The following LTBP2 variants were observed in gnomAD, a reference collection of about 807,000 sequenced individuals.
LTBP2 encodes the protein latent-transforming growth factor beta-binding protein 2.
In LTBP2, 103 loss-of-function variants were observed where a neutral mutation model predicts 210.6. The observed-to-expected ratio is 0.49, with a 90% CI of 0.42 to 0.58. The LOEUF is 0.58. Among genes scored for constraint, LTBP2 ranks in the 20% least tolerant of loss-of-function variants. LTBP2 has a pLI of 0.00. For synonymous variants in LTBP2, 1,007 were observed against 1,015.0 expected (o/e 0.99, Z 0.15); for missense variants, 2,313 against 2,494.5 (o/e 0.93, Z 1.55).
chr14:74,510,246 C>T (rs757646891), intron 19 of LTBP2, 33 bp from the exon 20 acceptor site: 5 of 1,610,704 alleles, frequency 3.1e-6, no homozygotes, highest in African/African-American at 1.3e-5. Flanking sequence ...GGTGGGCTGG[C>T]CTCCTCCCCA....
rs138297564 is a variant in LTBP2 at position 74,553,050 on chromosome 14, G to A, written c.1034C>T (p.Thr345Met). ...HPSSPWGLNL[T>M]EKIKKIKIVF... Reference sequence around the variant, plus strand: ...GATCTTGATCTTCTTGATTTTCTCCGTGAGGTTCAGCCCTGCAGAGAGAGG... The same window carrying A: ...GATCTTGATCTTCTTGATTTTCTCCATGAGGTTCAGCCCTGCAGAGAGAGG... Residue 345 changes from threonine (T) to methionine (M), a missense_variant, in exon 5 of 36, where the codon ACG becomes ATG. Coordinates refer to ENST00000261978, the MANE Select transcript of LTBP2 (RefSeq NM_000428.3). 37 of 1,614,024 alleles carry A rather than the reference G, an allele frequency of 2.3e-5. No individual in the cohort carries two copies. Among genetic ancestry groups the A allele is most frequent in the Middle Eastern group, 1.6e-4 (1 of 6,084 alleles).
intron 3 of LTBP2, among the ~76,000 whole-genome samples, chr14:74,561,983 ATG>A: frequency 6.6e-6 from 1 of 152,178 alleles, no homozygotes; most frequent in African/African-American, 2.4e-5. Context: ...GCCGAGGCGG[ATG>A]GATCACCTGA....
At chr14:74,526,686 C>A (rs2087277798) in intron 13 of LTBP2, among the ~76,000 whole-genome samples, 1 of 152,102 alleles carries the variant, frequency 6.6e-6, no homozygotes. Context: ...GGCCCAGGGA[C>A]AGAACAAGGC....
rs1566611786 is a variant in LTBP2, at chr14:74,503,113, C to A, written c.4888+106G>T. 1.9e-6 allele frequency: 3 copies of A among 1,538,946 alleles called. No individual in the cohort carries two copies. The East Asian group carries it at 6.8e-5, about 35-fold the overall frequency. On this transcript the variant is annotated intron_variant, in intron 33 of 35. Transcript: ENST00000261978. ...CAAACAGCAGGGATGGAAGACAGGG[C>A]CTTTGCTCTGCTCCTTCTTTCTAGA...
chr14:74,553,194 C>G, intron 4 of LTBP2, 132 bp from the exon 5 acceptor site: 1 of 861,798 alleles, frequency 1.2e-6, no homozygotes, highest in Non-Finnish European at 1.9e-6. Context: ...ACCTACTGGA[C>G]GCAGGGTCCC....
intron 3 of LTBP2, among the ~76,000 whole-genome samples, chr14:74,560,876 G>C (rs184764162): frequency 5.3e-5 from 8 of 152,338 alleles, no homozygotes; most frequent in Non-Finnish European, 8.8e-5. Flanking sequence ...CATGTGCGTA[G>C]CTTATATGCA....
Position 74,528,499 on chromosome 14 carries a change from C to G in LTBP2, c.2352G>C (p.Gly784=). The change falls in exon 12 of 36, where the codon GGG becomes GGC. Residue 784 remains glycine, a synonymous_variant. Transcript: ENST00000261978. The part of the protein sequence containing the change: ...RVVTDTWLEA[G]TIPDKGDSQA... ...CTCAGATACCCTTGTCAGGGATGGT[C>G]CCGGCCTCAAGCCAGGTGTCCGTGA... 2 of 1,611,984 alleles carry G rather than the reference C, an allele frequency of 1.2e-6. No homozygotes were observed. The highest frequency in any genetic ancestry group is 2.2e-5 in the South Asian group (2 of 91,016).
chr14:74,598,586 G>A (rs184858769), intron 2 of LTBP2, among the ~76,000 whole-genome samples: 2 of 152,236 alleles, frequency 1.3e-5, no homozygotes, highest in Middle Eastern at 3.4e-3. Context: ...AGAGTGCATC[G>A]CACATGCCAG....
intron 17 of LTBP2, among the ~76,000 whole-genome samples, chr14:74,521,164 G>C (rs569569312): frequency 5.9e-5 from 9 of 152,180 alleles, no homozygotes; most frequent in Non-Finnish European, 1.2e-4. Context: ...GGCAGCAGGA[G>C]GGTACACAGC....
intron 17 of LTBP2, among the ~76,000 whole-genome samples, chr14:74,517,619 C>T (rs1566619947): frequency 6.6e-6 from 1 of 152,088 alleles, no homozygotes; most frequent in African/African-American, 2.4e-5. Flanking sequence ...GTGATCCACA[C>T]TCCTCAGCCT....
Position 74,498,531 on chromosome 14 carries a change from A to G in LTBP2, c.*2353T>C, listed in dbSNP as rs552983028. The G allele has an allele frequency of 2.3e-5, 5 of 215,444 alleles. No individual in the cohort carries two copies. The South Asian group carries it at 9.4e-4, about 40-fold the overall frequency. The allele number at this position is 215,444 out of a possible 1,614,324, so 13.3% of individuals were successfully genotyped here. ...ATGAGGCAGCTCTAATTGCAAGTATAAAAAAAAAGCAAAGTGCAGAACAGC... is the reference window on the plus strand; with the variant it reads ...ATGAGGCAGCTCTAATTGCAAGTATGAAAAAAAAGCAAAGTGCAGAACAGC... On this transcript the variant is annotated 3_prime_UTR_variant, in exon 36 of 36. Transcript: ENST00000261978.
chr14:74,568,055 G>T (rs2087927276), intron 3 of LTBP2, among the ~76,000 whole-genome samples: 1 of 152,144 alleles, frequency 6.6e-6, no homozygotes. Flanking sequence ...GTAGGGAGAG[G>T]CCGAGCATAC....
rs527898751 is a variant in LTBP2, at chr14:74,548,455, T to C, written c.1789+1408A>G. ...CCTTCTCTACTCTCTGTCCAGGGCC[T>C]GCATGCTATGGCCTCTTCAAATGGG... is the stretch of plus-strand genomic sequence containing the variant. On this transcript the variant is annotated intron_variant, in intron 8 of 35. Coordinates refer to ENST00000261978, the MANE Select transcript of LTBP2 (RefSeq NM_000428.3). Among the ~76,000 whole-genome samples, 11 of 152,242 alleles carry C rather than the reference T, an allele frequency of 7.2e-5. No individual in the cohort carries two copies. In the East Asian group the frequency reaches 2.1e-3, roughly 29 times the overall value.
intron 19 of LTBP2, 74 bp downstream of exon 19, chr14:74,511,171 C>G: frequency 6.2e-7 from 1 of 1,608,946 alleles, no homozygotes; most frequent in Non-Finnish European, 8.5e-7. Flanking sequence ...ACCTCTTTCC[C>G]TTTCCGTGTG....
rs1380122474 is a variant in LTBP2 at position 74,507,199 on chromosome 14, G to C, written c.3887C>G (p.Ala1296Gly). ...CTCACCAATGCAGTCTCCGTTCGGG[G>C]CCATGTGGAAGCCAGGCTGGCAGCC... Reference protein sequence around the residue: ...VLGCQPGFHMAPNGDCIDIDE... With the variant: ...VLGCQPGFHMGPNGDCIDIDE... Residue 1296 changes from alanine (A) to glycine (G), a missense_variant, in exon 26 of 36, where the codon GCC (alanine) becomes GGC (glycine). Ala to Gly is a moderately conservative substitution (Grantham distance 60). This residue lies in a region of LTBP2 where 1,867 missense variants were observed against 1,976.9 expected (regional missense o/e 0.94). Coordinates refer to ENST00000261978, the MANE Select transcript of LTBP2 (RefSeq NM_000428.3). 1 of 1,614,032 alleles carries C rather than the reference G, an allele frequency of 6.2e-7. No individual in the cohort carries two copies. The highest frequency in any genetic ancestry group is 1.3e-5 in the African/African-American group (1 of 74,914).
At chr14:74,551,637 CCT>C (rs909553727) in intron 6 of LTBP2, among the ~76,000 whole-genome samples, 2 of 152,266 alleles carry the variant, frequency 1.3e-5, no homozygotes, top group South Asian at 2.1e-4. Flanking sequence ...ACTCCAGCCC[CCT>C]GTCTCCTGCA....
At position 74,508,891 on chromosome 14, in the gene LTBP2, C is replaced by T. The variant is rs1412036624; in HGVS notation, c.3465G>A (p.Val1155=). The part of the protein sequence containing the change: ...SCLGGECKNT[V]GSYQCLCPQG... ...GGGGACAGAGGCACTGGTAGGAGCCCACAGTGTTCTTGCACTCGCCTCCCA... is the reference window on the plus strand; with the variant it reads ...GGGGACAGAGGCACTGGTAGGAGCCTACAGTGTTCTTGCACTCGCCTCCCA... The change falls in exon 23 of 36, where the codon GTG becomes GTA. Residue 1155 remains valine, a synonymous_variant. Coordinates refer to ENST00000261978, the MANE Select transcript of LTBP2 (RefSeq NM_000428.3). 1.5e-5 allele frequency: 25 copies of T among 1,613,680 alleles called. No homozygotes were observed. Among genetic ancestry groups the T allele is most frequent in the Non-Finnish European group, 2.1e-5 (25 of 1,179,958 alleles).
At chr14:74,543,436 G>A (rs2087536394) in intron 8 of LTBP2, among the ~76,000 whole-genome samples, 2 of 149,938 alleles carry the variant, frequency 1.3e-5, no homozygotes, top group Admixed American at 1.3e-4. Flanking sequence ...GTCATTGTGA[G>A]GATTAGCTTT....
intron 19 of LTBP2, 89 bp from the exon 20 acceptor site, chr14:74,510,302 C>A: frequency 1.3e-6 from 2 of 1,580,140 alleles, no homozygotes; most frequent in Non-Finnish European, 1.7e-6. Flanking sequence ...AGTTATGAGG[C>A]CAGGGAACCA....
Sources: allele counts gnomAD v4.1 joint callset (sites outside exome capture counted in the v4.1 genomes callset), GRCh38; gene constraint gnomAD v4.1.1; regional missense constraint gnomAD v4.1.1; transcripts MANE v1.5; gene names NCBI Gene and HGNC (gene_info 2026-07-23, HGNC 2026-07-21).